Variants in DNAI4 observed in about 807,000 individuals in gnomAD.
The protein encoded by DNAI4 is dynein axonemal intermediate chain 4.
In DNAI4, 85 loss-of-function variants were observed where a neutral mutation model predicts 105.8. The ratio of observed to expected loss-of-function variants is 0.80; its 90% CI spans 0.67 to 0.96. The LOEUF (loss-of-function observed/expected upper bound fraction) is 0.96. Among genes scored for constraint, DNAI4 ranks in the 40% least tolerant of loss-of-function variants. DNAI4 has a pLI of 0.00. For missense variants in DNAI4, 1,014 were observed against 1,005.6 expected (o/e 1.01, Z -0.11); for synonymous variants, 352 against 331.5 (o/e 1.06, Z -0.67).
chr1:66,920,095 G>A lies in DNAI4; in HGVS notation c.170+4567C>T, dbSNP rs114402248. The stretch of plus-strand genomic sequence containing the variant: ...GCCTTTTCAAAACCACCCATGGCCC[G>A]CCCTGTCCCACTATCCTGCACCCAT... On this transcript the variant is annotated intron_variant, in intron 1 of 16. Coordinates refer to ENST00000371026, the MANE Select transcript of DNAI4 (RefSeq NM_024763.5). 2.3e-3 allele frequency among the ~76,000 whole-genome samples: 348 copies of A among 152,132 alleles called. 2 individuals carry two copies. The highest frequency in any genetic ancestry group is 4.4e-3 in the Admixed American group (67 of 15,280).
At chr1:66,876,411 C>A (rs1338855920) in intron 4 of DNAI4, among the ~76,000 whole-genome samples, 1 of 152,008 alleles carries the variant, frequency 6.6e-6, no homozygotes, top group Non-Finnish European at 1.5e-5. Flanking sequence ...CACAGACATG[C>A]TAATTATAAA....
intron 2 of DNAI4, among the ~76,000 whole-genome samples, chr1:66,895,885 C>T (rs181288356): frequency 1.1e-3 from 167 of 152,200 alleles, no homozygotes; most frequent in African/African-American, 3.9e-3. Flanking sequence ...GATATCTTGG[C>T]ACAGACCAAG....
intron 6 of DNAI4, among the ~76,000 whole-genome samples, chr1:66,870,019 T>A (rs1646807985): frequency 6.6e-6 from 1 of 152,210 alleles, no homozygotes; most frequent in Non-Finnish European, 1.5e-5. Flanking sequence ...GAATAAATGC[T>A]CTCACCAATA....
At chr1:66,877,945 T>TAA (rs1557949962) in intron 4 of DNAI4, among the ~76,000 whole-genome samples, 2 of 152,200 alleles carry the variant, frequency 1.3e-5, no homozygotes, top group Non-Finnish European at 2.9e-5. Flanking sequence ...CATCATAACT[T>TAA]ATCATTGATG....
At chr1:66,897,591 A>G (rs1460780569) in intron 2 of DNAI4, among the ~76,000 whole-genome samples, 2 of 152,080 alleles carry the variant, frequency 1.3e-5, no homozygotes, top group Non-Finnish European at 2.9e-5. Context: ...CAGGGGACAG[A>G]CCCTGGGTGC....
At chr1:66,836,850 C>G (rs1010715523) in intron 10 of DNAI4, among the ~76,000 whole-genome samples, 1 of 152,308 alleles carries the variant, frequency 6.6e-6, no homozygotes, top group African/African-American at 2.4e-5. Flanking sequence ...AAGTTTTCCA[C>G]TTTGCATTTC....
chr1:66,843,805 T>C (rs1248779766), intron 8 of DNAI4, among the ~76,000 whole-genome samples: 1 of 152,152 alleles, frequency 6.6e-6, no homozygotes, highest in East Asian at 1.9e-4. Flanking sequence ...AAAGATCAGC[T>C]GACTATATTT....
At chr1:66,893,085 G>GAAAGAAAGAAAGAAAGA in intron 3 of DNAI4, 144 bp downstream of exon 3, 1 of 396,830 alleles carries the variant, frequency 2.5e-6, no homozygotes, top group Non-Finnish European at 4.4e-6. Flanking sequence ...AAGAAAGAAA[G>GAAAGAAAGAAAGAAAGA]AAAGAAAGAA....
At chr1:66,860,932 A>G (rs1430679315) in intron 7 of DNAI4, 1 of 152,180 alleles carries the variant, frequency 6.6e-6, no homozygotes, top group African/African-American at 2.4e-5. Flanking sequence ...TTGTTCTCTT[A>G]GAAAATTAAC....
intron 8 of DNAI4, among the ~76,000 whole-genome samples, chr1:66,841,599 T>C (rs1224208318): frequency 6.6e-6 from 1 of 152,162 alleles, no homozygotes. Flanking sequence ...CTTGAACTCC[T>C]GGCCTAAGCA....
intron 1 of DNAI4, among the ~76,000 whole-genome samples, chr1:66,910,928 G>A (rs376264955): frequency 8.5e-5 from 13 of 152,116 alleles, no homozygotes; most frequent in African/African-American, 2.9e-4. Context: ...GGCCAAATGC[G>A]TAGGGTTTCT....
At chr1:66,840,431 T>A (rs1271328905) in intron 9 of DNAI4, 38 bp downstream of exon 9, 1 of 1,564,332 alleles carries the variant, frequency 6.4e-7, no homozygotes, top group African/African-American at 1.4e-5. Context: ...TTCCCTTCAA[T>A]GCTAGAAACA....
At chr1:66,826,359 C>T (rs886682131) in intron 15 of DNAI4, among the ~76,000 whole-genome samples, 13 of 151,746 alleles carry the variant, frequency 8.6e-5, no homozygotes, top group South Asian at 2.1e-4. Flanking sequence ...AGTACACTGG[C>T]GCAATCTTGG....
intron 8 of DNAI4, among the ~76,000 whole-genome samples, chr1:66,843,419 T>A (rs559442162): frequency 1.3e-5 from 2 of 152,212 alleles, no homozygotes; most frequent in African/African-American, 4.8e-5. Context: ...GTTCTTTGTA[T>A]ATTTTGGATA....
At chr1:66,876,367 ATT>A (rs1646958962) in intron 4 of DNAI4, among the ~76,000 whole-genome samples, 1 of 152,150 alleles carries the variant, frequency 6.6e-6, no homozygotes, top group Non-Finnish European at 1.5e-5. Flanking sequence ...TTCCTTTGCA[ATT>A]TAGTTATATA....
intron 13 of DNAI4, among the ~76,000 whole-genome samples, chr1:66,830,691 G>T (rs1645847605): frequency 6.6e-6 from 1 of 151,474 alleles, no homozygotes; most frequent in South Asian, 2.1e-4. Flanking sequence ...TGAGGTGGGA[G>T]AATTGCTTGA....
At chr1:66,833,955 C>A (rs200625480) in intron 12 of DNAI4, 36 bp downstream of exon 12, 3 of 1,558,516 alleles carry the variant, frequency 1.9e-6, no homozygotes, top group African/African-American at 2.8e-5. Context: ...TAATTCAGCA[C>A]GTAACAAGAA....
chr1:66,835,686 T>C lies in DNAI4; in HGVS notation c.1673A>G (p.Asn558Ser), dbSNP rs895302077. Reference sequence around the variant, plus strand: ...TACATTGTAAATTGCAATTGTGCCATTGTGATAGCCAACGGCTAAAAGGTT... The same window carrying C: ...TACATTGTAAATTGCAATTGTGCCACTGTGATAGCCAACGGCTAAAAGGTT... The part of the protein sequence containing the change: ...APNLLAVGYH[N>S]GTIAIYNVRS... Residue 558 changes from asparagine to serine, a missense_variant, in exon 11 of 17, where the codon AAT becomes AGT. Physicochemically the swap from Asn to Ser is conservative, Grantham distance 46 (BLOSUM62 1). Transcript: ENST00000371026. The C allele has an allele frequency of 2.2e-5, 36 of 1,614,052 alleles. No homozygotes were observed. The highest frequency in any genetic ancestry group is 2.9e-5 in the Non-Finnish European group (34 of 1,179,998).
intron 6 of DNAI4, among the ~76,000 whole-genome samples, chr1:66,864,489 C>A (rs1646690170): frequency 6.6e-6 from 1 of 151,954 alleles, no homozygotes; most frequent in Non-Finnish European, 1.5e-5. Flanking sequence ...GACTGGCTAG[C>A]AAGAGGTAAT....
Sources: gnomAD v4.1 joint callset for allele counts (sites outside exome capture counted in the v4.1 genomes callset) on GRCh38, gnomAD v4.1.1 for gene constraint, MANE v1.5 for transcripts, NCBI Gene and HGNC (gene_info 2026-07-23, HGNC 2026-07-21) for gene names.